The following ADAM28 variants were observed in gnomAD, a reference collection of about 807,000 sequenced individuals.
ADAM28 encodes the protein disintegrin and metalloproteinase domain-containing protein 28.
A neutral mutation model predicts 101.2 loss-of-function variants in ADAM28; 105 were observed. That is an observed-to-expected ratio of 1.04 (90% CI 0.89 to 1.22). The LOEUF (loss-of-function observed/expected upper bound fraction) is 1.22. Ranked by LOEUF, ADAM28 falls within the 50% of genes most tolerant of loss-of-function variation. The probability of loss-of-function intolerance (pLI) is 0.00; values close to 1 mark genes in which losing one functional copy is unlikely to be tolerated. For missense variants in ADAM28, 1,028 were observed against 945.4 expected, an observed-to-expected ratio of 1.09 and a Z score of -1.15; for synonymous variants, 322 against 310.6, an observed-to-expected ratio of 1.04 and a Z score of -0.39.
Position 24,320,389 on chromosome 8 carries a change from G to A in ADAM28, c.648+82G>A, listed in dbSNP as rs146560771. The A allele has an allele frequency of 5.0e-4, 463 of 922,286 alleles. No homozygotes were observed. The African/African-American group carries it at 7.1e-3, about 14-fold the overall frequency. The allele number at this position is 922,286 out of a possible 1,614,324, so 57.1% of individuals were successfully genotyped here. ...TTATTATGTGAGACATTAAATATCT[G>A]GATGAGATTTAAAGAATCATGAATA... On this transcript the variant is annotated intron_variant, in intron 7 of 22. Coordinates refer to ENST00000265769, the MANE Select transcript of ADAM28 (RefSeq NM_014265.6).
chr8:24,322,937 A>G (rs1217546290), intron 8 of ADAM28, among the ~76,000 whole-genome samples: 5 of 151,962 alleles, frequency 3.3e-5, no homozygotes, highest in Non-Finnish European at 7.4e-5. Context: ...TTAAGTCATT[A>G]TTTCTAAAGT....
chr8:24,296,215 C>T (rs1231467274), intron 1 of ADAM28: 1 of 152,184 alleles, frequency 6.6e-6, no homozygotes, highest in Non-Finnish European at 1.5e-5. Flanking sequence ...TTTCAAACTA[C>T]CAGTTCTTCC....
chr8:24,324,046 G>A, intron 9 of ADAM28, 43 bp downstream of exon 9: 1 of 1,588,176 alleles, frequency 6.3e-7, no homozygotes, highest in South Asian at 1.1e-5. Context: ...GTGGTATTTA[G>A]TGGATGCTTT....
chr8:24,325,693 C>A (rs750269295), intron 9 of ADAM28, among the ~76,000 whole-genome samples: 2 of 150,678 alleles, frequency 1.3e-5, no homozygotes, highest in African/African-American at 4.9e-5. Flanking sequence ...AAAATTGGAA[C>A]GTTTTCTAAT....
chr8:24,326,690 T>A (rs1405934417), intron 10 of ADAM28, 55 bp downstream of exon 10: 4 of 1,513,680 alleles, frequency 2.6e-6, no homozygotes, highest in Non-Finnish European at 3.6e-6. Flanking sequence ...AAATGCTTTT[T>A]AAAAAATCTA....
chr8:24,349,886 G>A lies in ADAM28; in HGVS notation c.2013G>A (p.Val671=). 1 of 1,613,514 alleles carries A rather than the reference G, an allele frequency of 6.2e-7. No homozygotes were observed. The highest frequency in any genetic ancestry group is 8.5e-7 in the Non-Finnish European group (1 of 1,179,700). Residue 671 remains valine, a synonymous_variant, in exon 19 of 23, where the codon GTG becomes GTA. Transcript: ENST00000265769. The part of the protein sequence containing the change: ...VVFHFSIVVG[V]LFPMAVIFVV... Reference sequence around the variant, plus strand: ...CAGACTTCTCCATTGTGGTTGGGGTGCTGTTCCCAATGGCGGTCATTTTTG... The same window carrying A: ...CAGACTTCTCCATTGTGGTTGGGGTACTGTTCCCAATGGCGGTCATTTTTG...
chr8:24,301,753 T>C (rs1222235008), intron 2 of ADAM28, among the ~76,000 whole-genome samples: 1 of 152,120 alleles, frequency 6.6e-6, no homozygotes, highest in Non-Finnish European at 1.5e-5. Context: ...GTCCATATGT[T>C]CTCCTGAGAG....
chr8:24,313,035 A>G (rs1810681119), intron 5 of ADAM28, among the ~76,000 whole-genome samples: 1 of 152,154 alleles, frequency 6.6e-6, no homozygotes, highest in Admixed American at 6.5e-5. Context: ...ATAAAACTCT[A>G]AAATCCTTTT....
intron 18 of ADAM28, among the ~76,000 whole-genome samples, chr8:24,347,324 C>T (rs11988304): frequency 1.6e-4 from 25 of 151,974 alleles, no homozygotes; most frequent in African/African-American, 5.6e-4. Flanking sequence ...ATTTTATACT[C>T]TTGGGTGATA....
chr8:24,348,718 G>T (rs1237131273), intron 18 of ADAM28, among the ~76,000 whole-genome samples: 1 of 152,172 alleles, frequency 6.6e-6, no homozygotes, highest in Non-Finnish European at 1.5e-5. Flanking sequence ...TTACTCTTCA[G>T]TGATTTCTAT....
intron 9 of ADAM28, among the ~76,000 whole-genome samples, chr8:24,325,890 A>AACAAACAAC (rs1812533349): frequency 7.5e-6 from 1 of 133,944 alleles, no homozygotes; most frequent in Non-Finnish European, 1.6e-5. Flanking sequence ...AAAAAAAAAA[A>AACAAACAAC]AAAAAAAAAA....
At chr8:24,340,291 C>T (rs1009082362) in intron 15 of ADAM28, among the ~76,000 whole-genome samples, 1 of 152,048 alleles carries the variant, frequency 6.6e-6, no homozygotes, top group African/African-American at 2.4e-5. Context: ...CTATTGGACA[C>T]GAATTTCTCT....
intron 19 of ADAM28, among the ~76,000 whole-genome samples, chr8:24,350,399 C>T (rs1460643542): frequency 6.6e-6 from 1 of 152,078 alleles, no homozygotes; most frequent in Non-Finnish European, 1.5e-5. Context: ...GCAACCTCCA[C>T]ACCTCCCAGT....
chr8:24,343,779 G>A (rs1815080005), intron 18 of ADAM28, among the ~76,000 whole-genome samples, 195 bp downstream of exon 18: 1 of 151,910 alleles, frequency 6.6e-6, no homozygotes, highest in South Asian at 2.1e-4. Context: ...CATTTTCACT[G>A]CACATGCAAA....
intron 6 of ADAM28, among the ~76,000 whole-genome samples, chr8:24,316,594 A>C (rs1424042172): frequency 6.6e-6 from 1 of 152,018 alleles, no homozygotes; most frequent in Admixed American, 6.6e-5. Flanking sequence ...TTATTTTTTA[A>C]ATTAAAAGCC....
chr8:24,329,641 C>T (rs1010903565), intron 10 of ADAM28, among the ~76,000 whole-genome samples: 1 of 152,048 alleles, frequency 6.6e-6, no homozygotes, highest in Non-Finnish European at 1.5e-5. Flanking sequence ...GCATCATAGA[C>T]TTCTAAAAGG....
chr8:24,350,303 A>G (rs551242046), intron 19 of ADAM28, among the ~76,000 whole-genome samples: 2 of 152,164 alleles, frequency 1.3e-5, no homozygotes, highest in Admixed American at 6.5e-5. Context: ...GCACTGTGCT[A>G]AGCACCGCCC....
chr8:24,340,718 A>C (rs1450994600), intron 15 of ADAM28, among the ~76,000 whole-genome samples: 1 of 152,154 alleles, frequency 6.6e-6, no homozygotes, highest in Non-Finnish European at 1.5e-5. Flanking sequence ...TACCTAAGTG[A>C]TTCAAGAAAA....
intron 18 of ADAM28, among the ~76,000 whole-genome samples, chr8:24,346,133 C>CTAAACTTGA (rs1815373477): frequency 6.6e-6 from 1 of 151,974 alleles, no homozygotes; most frequent in Non-Finnish European, 1.5e-5. Flanking sequence ...GGTCCTAAAT[C>CTAAACTTGA]TAAACTTGAA....
Sources: allele counts gnomAD v4.1 joint callset (sites outside exome capture counted in the v4.1 genomes callset), GRCh38; gene constraint gnomAD v4.1.1; transcripts MANE v1.5; gene names NCBI Gene and HGNC (gene_info 2026-07-23, HGNC 2026-07-21).